Variants in ANK1 observed in about 807,000 individuals in gnomAD.
ANK1 encodes ankyrin-1.
In ANK1, 51 loss-of-function variants were observed where a neutral mutation model predicts 210.4. The ratio of observed to expected loss-of-function variants is 0.24; its 90% CI spans 0.19 to 0.31. The LOEUF is 0.31. Ranked by LOEUF, ANK1 falls within the 10% of genes least tolerant of loss-of-function variation. ANK1 has a pLI of 1.00. For synonymous variants in ANK1, 967 were observed against 1,025.9 expected (o/e 0.94, Z 1.10); for missense variants, 2,051 against 2,504.4 (o/e 0.82, Z 3.86).
rs28575280 is a variant in ANK1, at chr8:41,700,648, T to C, written c.2461+902A>G. Among the ~76,000 whole-genome samples the C allele has an allele frequency of 4.5e-3, 687 of 152,172 alleles. 3 individuals are homozygous for C. Among genetic ancestry groups the C allele is most frequent in the African/African-American group, 0.016 (653 of 41,510 alleles). ...ACCCCACTATTCAACATCCTCAGAG[T>C]TGAGGATCCTACTACTCAACATCCC... On this transcript the variant is annotated intron_variant, in intron 22 of 42. Transcript: ENST00000289734.
In ANK1 at chr8:41,702,114, G is replaced by C; in HGVS notation, c.2326C>G (p.Arg776Gly). ...TCGGTGACAGAAATGTAGCCCAAGC[G>C]CTTGGCTATGGCCAGAGGTGTGGTT... Reference protein sequence around the residue: ...DGTTPLAIAKRLGYISVTDVL... With the variant: ...DGTTPLAIAKGLGYISVTDVL... Residue 776 changes from arginine to glycine, a missense_variant, in exon 21 of 43, where the codon CGC becomes GGC. This residue lies in a region of ANK1 where 1,413 missense variants were observed against 1,707.4 expected (regional missense o/e 0.83). Transcript: ENST00000289734. The C allele has an allele frequency of 6.2e-7, 1 of 1,614,208 alleles. No individual in the cohort carries two copies. The highest frequency in any genetic ancestry group is 2.2e-5 in the East Asian group (1 of 44,882).
chr8:41,886,416 C>T (rs184250819), intron 1 of ANK1, among the ~76,000 whole-genome samples: 1 of 152,316 alleles, frequency 6.6e-6, no homozygotes, highest in East Asian at 1.9e-4. Flanking sequence ...GCAACTTGCT[C>T]AAAGCCAGCC....
Position 41,688,249 on chromosome 8 carries a change from T to A in ANK1, c.4184-19A>T. ...AGAGAACCTGGGGAGAAGCATTAGA[T>A]TTCATTTAGTAGCCAGGGCAGGACA... is the stretch of plus-strand genomic sequence containing the variant. On this transcript the variant is annotated intron_variant, in intron 34 of 42. Coordinates refer to ENST00000289734, the MANE Select transcript of ANK1 (RefSeq NM_000037.4). 1 of 1,613,214 alleles carries A rather than the reference T, an allele frequency of 6.2e-7. No homozygotes were observed. Among genetic ancestry groups the A allele is most frequent in the Non-Finnish European group, 8.5e-7 (1 of 1,179,190 alleles).
At chr8:41,776,633 G>A (rs2150741252) in intron 1 of ANK1, among the ~76,000 whole-genome samples, 1 of 152,136 alleles carries the variant, frequency 6.6e-6, no homozygotes, top group East Asian at 1.9e-4. Flanking sequence ...CCTTCATTGG[G>A]GCCCTGCTGA....
chr8:41,871,653 C>CGT (rs1250883396), intron 1 of ANK1, among the ~76,000 whole-genome samples: 1 of 152,186 alleles, frequency 6.6e-6, no homozygotes, highest in African/African-American at 2.4e-5. Context: ...ACCAAAGGAG[C>CGT]CGACCCTGCT....
intron 1 of ANK1, among the ~76,000 whole-genome samples, chr8:41,867,053 G>A (rs1221960526): frequency 5.3e-5 from 8 of 152,156 alleles, no homozygotes; most frequent in Admixed American, 5.2e-4. Context: ...ATCTACCCTA[G>A]TATAAATTTT....
At chr8:41,684,270 C>T (rs754562861) in intron 37 of ANK1, among the ~76,000 whole-genome samples, 4 of 152,240 alleles carry the variant, frequency 2.6e-5, no homozygotes, top group East Asian at 1.9e-4. Flanking sequence ...CCTGTGGGGA[C>T]GCAGTTGCTG....
intron 39 of ANK1, among the ~76,000 whole-genome samples, chr8:41,667,479 T>C (rs1318415445): frequency 2.0e-5 from 3 of 152,052 alleles, no homozygotes; most frequent in Admixed American, 1.3e-4. Context: ...ATTAATACGA[T>C]GGCCAGGATA....
intron 1 of ANK1, among the ~76,000 whole-genome samples, chr8:41,809,601 T>A (rs1275046290): frequency 6.6e-6 from 1 of 151,982 alleles, no homozygotes; most frequent in East Asian, 1.9e-4. Flanking sequence ...ACCCCACCTG[T>A]ACAAAAAATT....
chr8:41,717,726 C>G, intron 11 of ANK1, 24 bp from the exon 12 acceptor site: 1 of 1,535,282 alleles, frequency 6.5e-7, no homozygotes, highest in Non-Finnish European at 8.8e-7. Context: ...AGGCAGAGTC[C>G]GATAAGTGGG....
In ANK1 at chr8:41,654,804, C is replaced by T. The variant is rs1805147523; in HGVS notation, c.*986G>A. 6.6e-6 allele frequency: 1 copy of T among 152,652 alleles called. No homozygotes were observed. The highest frequency in any genetic ancestry group is 6.5e-5 in the Admixed American group (1 of 15,286). 9.5% of individuals were successfully genotyped at this position (152,652 alleles called of 1,614,324 possible). The stretch of plus-strand genomic sequence containing the variant: ...ATATAGTGCTTGAAGACATAGAAAA[C>T]CTCTTCTCTATGGACATGCTGGTGC... On this transcript the variant is annotated 3_prime_UTR_variant, in exon 43 of 43. Coordinates refer to ENST00000289734, the MANE Select transcript of ANK1 (RefSeq NM_000037.4).
chr8:41,791,154 C>T (rs1307373808), intron 1 of ANK1, among the ~76,000 whole-genome samples: 2 of 150,474 alleles, frequency 1.3e-5, no homozygotes, highest in Non-Finnish European at 2.9e-5. Flanking sequence ...AGGGCTGGAC[C>T]TGTGCCAGCC....
At chr8:41,724,301 G>T (rs1430359645) in intron 7 of ANK1, among the ~76,000 whole-genome samples, 155 bp downstream of exon 7, 3 of 152,222 alleles carry the variant, frequency 2.0e-5, no homozygotes, top group African/African-American at 7.2e-5. Context: ...GGGGGTAGAT[G>T]ATCAGAAACC....
At chr8:41,821,215 G>C (rs1804203653) in intron 1 of ANK1, among the ~76,000 whole-genome samples, 1 of 152,120 alleles carries the variant, frequency 6.6e-6, no homozygotes, top group African/African-American at 2.4e-5. Context: ...AAAATCATGA[G>C]AGACTTTGTC....
chr8:41,724,608 A>C, intron 6 of ANK1, 54 bp from the exon 7 acceptor site: 74 of 1,509,934 alleles, frequency 4.9e-5, no homozygotes, highest in Non-Finnish European at 5.9e-5. Context: ...CTTCTATCTC[A>C]GAATCAGCCC....
chr8:41,712,495 G>A (rs1417499042), intron 16 of ANK1, among the ~76,000 whole-genome samples: 1 of 152,158 alleles, frequency 6.6e-6, no homozygotes, highest in African/African-American at 2.4e-5. Flanking sequence ...GAACTAAAAT[G>A]AACAAATGAA....
intron 14 of ANK1, 87 bp from the exon 15 acceptor site, chr8:41,715,161 C>A: frequency 1.6e-6 from 2 of 1,265,648 alleles, no homozygotes; most frequent in Admixed American, 3.5e-5. Flanking sequence ...GCTGCACCTC[C>A]GCTGGCATGG....
chr8:41,698,021 C>T (rs769347438), intron 24 of ANK1, 22 bp downstream of exon 24: 1 of 1,613,380 alleles, frequency 6.2e-7, no homozygotes, highest in East Asian at 2.2e-5. Context: ...TGTGGGGAAA[C>T]CACAGAGAAG....
At chr8:41,849,978 C>T (rs931653220) in intron 1 of ANK1, among the ~76,000 whole-genome samples, 16 of 152,172 alleles carry the variant, frequency 1.1e-4, no homozygotes, top group African/African-American at 3.9e-4. Flanking sequence ...CCTCTGATCA[C>T]GCTGTCAGAG....
Sources: gnomAD v4.1 joint callset for allele counts (sites outside exome capture counted in the v4.1 genomes callset) on GRCh38, gnomAD v4.1.1 for gene constraint, gnomAD v4.1.1 regional missense constraint, MANE v1.5 for transcripts, NCBI Gene and HGNC (gene_info 2026-07-23, HGNC 2026-07-21) for gene names.